Variants in CFAP77 observed in about 807,000 individuals in gnomAD.
CFAP77 encodes cilia and flagella associated protein 77.
In CFAP77, 25 loss-of-function variants were observed where a neutral mutation model predicts 31.1. The ratio of observed to expected loss-of-function variants is 0.80; its 90% CI spans 0.59 to 1.12. CFAP77 has a LOEUF of 1.12. Ranked by LOEUF, CFAP77 falls within the 50% of genes most tolerant of loss-of-function variation. The probability of loss-of-function intolerance (pLI) is 0.00; values close to 1 mark genes in which losing one functional copy is unlikely to be tolerated. For missense variants in CFAP77, 377 were observed against 397.3 expected (o/e 0.95, Z 0.44); for synonymous variants, 151 against 159.9 (o/e 0.94, Z 0.42).
At position 132,492,777 on chromosome 9, in the gene CFAP77, C is replaced by T. The variant is rs77974172; in HGVS notation, c.196-5918C>T. ...ATGGGCAGGTGGGTGTCCAGTTAGC[C>T]TGTCTTGTGGGGCAGATGAACTGGT... On this transcript the variant is annotated intron_variant, in intron 1 of 5. Transcript: ENST00000393216. Among the ~76,000 whole-genome samples, 298 of 152,302 alleles carry T rather than the reference C, an allele frequency of 2.0e-3. 3 individuals are homozygous for T. The highest frequency in any genetic ancestry group is 6.3e-3 in the African/African-American group (261 of 41,562).
At chr9:132,503,293 C>T (rs559717898) in intron 3 of CFAP77, among the ~76,000 whole-genome samples, 1 of 152,360 alleles carries the variant, frequency 6.6e-6, no homozygotes, top group East Asian at 1.9e-4. Flanking sequence ...CCTGTTCTCG[C>T]AGGCTGCCTG....
intron 1 of CFAP77, among the ~76,000 whole-genome samples, chr9:132,479,662 C>A (rs1390669872): frequency 6.6e-6 from 1 of 152,216 alleles, no homozygotes; most frequent in African/African-American, 2.4e-5. Flanking sequence ...TTTGCTCAGG[C>A]CATCCTGGTT....
At chr9:132,466,525 T>C (rs144768869) in intron 1 of CFAP77, among the ~76,000 whole-genome samples, 2 of 152,336 alleles carry the variant, frequency 1.3e-5, no homozygotes, top group East Asian at 1.9e-4. Flanking sequence ...CCCTCTGCAC[T>C]ATGTCGGCAG....
intron 4 of CFAP77, among the ~76,000 whole-genome samples, chr9:132,538,552 G>A (rs1186048330): frequency 1.3e-5 from 2 of 152,104 alleles, no homozygotes; most frequent in Non-Finnish European, 2.9e-5. Flanking sequence ...TTGGGAGGCC[G>A]AGGTGGGTGG....
Position 132,539,570 on chromosome 9 carries a change from G to A in CFAP77, c.630+1864G>A, listed in dbSNP as rs1055600753. On this transcript the variant is annotated intron_variant, in intron 4 of 5. Coordinates refer to ENST00000393216, the MANE Select transcript of CFAP77 (RefSeq NM_001282957.2). The surrounding 1 kb of genome is among the most constrained non-coding windows in gnomAD (Gnocchi z 4.3). ...GAAAAGCCTGGGGCTCAGCAACAGCGCCTATGATGTTCTAGGGCCAACCAG... is the reference window on the plus strand; with the variant it reads ...GAAAAGCCTGGGGCTCAGCAACAGCACCTATGATGTTCTAGGGCCAACCAG... Among the ~76,000 whole-genome samples, 2 of 152,154 alleles carry A rather than the reference G, an allele frequency of 1.3e-5. No homozygotes were observed. The highest frequency in any genetic ancestry group is 2.1e-4 in the South Asian group (1 of 4,824).
intron 1 of CFAP77, among the ~76,000 whole-genome samples, chr9:132,468,846 C>T (rs1012476170): frequency 6.6e-6 from 1 of 151,948 alleles, no homozygotes; most frequent in African/African-American, 2.4e-5. Context: ...TCAAGTTTAA[C>T]TCTCAGCCTA....
chr9:132,553,335 C>A (rs1053597087), intron 5 of CFAP77, among the ~76,000 whole-genome samples: 1 of 152,186 alleles, frequency 6.6e-6, no homozygotes, highest in Non-Finnish European at 1.5e-5. Context: ...AGCATGGTGG[C>A]TCCCACTTGT....
At chr9:132,566,105 G>A (rs1407620637) in intron 5 of CFAP77, among the ~76,000 whole-genome samples, 6 of 152,208 alleles carry the variant, frequency 3.9e-5, no homozygotes, top group East Asian at 1.9e-4. Flanking sequence ...CCACAGGGTC[G>A]TGACCACAGA....
Position 132,517,322 on chromosome 9 carries a change from T to C in CFAP77, c.524+17722T>C, listed in dbSNP as rs866756081. On this transcript the variant is annotated intron_variant, in intron 3 of 5. Transcript: ENST00000393216. This position sits in a 1 kb window ranked among gnomAD's most constrained non-coding sequence, Gnocchi z 4.7. ...GCATATTAGAGATGGATTTTAATTT[T>C]ATTTTAACAAAATAGCTGTCTCCAC... 1.5e-4 allele frequency among the ~76,000 whole-genome samples: 23 copies of C among 152,334 alleles called. No individual in the cohort carries two copies. Among genetic ancestry groups the C allele is most frequent in the African/African-American group, 5.1e-4 (21 of 41,572 alleles).
chr9:132,502,155 C>G (rs1030724780), intron 3 of CFAP77, among the ~76,000 whole-genome samples: 3 of 152,192 alleles, frequency 2.0e-5, no homozygotes, highest in Admixed American at 2.0e-4. Flanking sequence ...CTGCCCGGCC[C>G]TCATTTGAGG....
intron 1 of CFAP77, among the ~76,000 whole-genome samples, chr9:132,468,583 C>T (rs1341236818): frequency 1.3e-5 from 2 of 152,180 alleles, no homozygotes; most frequent in Non-Finnish European, 2.9e-5. Context: ...CCTGACCACT[C>T]AAGAGCAGGC....
At chr9:132,421,911 A>G (rs1488427888) in intron 1 of CFAP77, among the ~76,000 whole-genome samples, 1 of 151,972 alleles carries the variant, frequency 6.6e-6, no homozygotes, top group East Asian at 1.9e-4. Flanking sequence ...CCCATCCTTC[A>G]TTTGCTCATT....
intron 3 of CFAP77, among the ~76,000 whole-genome samples, chr9:132,521,236 C>T (rs1336733387): frequency 3.3e-5 from 5 of 152,190 alleles, no homozygotes; most frequent in African/African-American, 1.2e-4. Flanking sequence ...CAAGAGGCCA[C>T]GTGTCCTCGG....
intron 1 of CFAP77, among the ~76,000 whole-genome samples, chr9:132,484,195 C>T (rs1305558528): frequency 1.3e-5 from 2 of 152,136 alleles, no homozygotes; most frequent in African/African-American, 2.4e-5. Context: ...GCCTCAGCCT[C>T]CCAAAGTGTT....
chr9:132,414,339 G>C (rs767766056), intron 1 of CFAP77, among the ~76,000 whole-genome samples: 2 of 152,170 alleles, frequency 1.3e-5, no homozygotes, highest in African/African-American at 4.8e-5. Flanking sequence ...AGAATTCAGC[G>C]TTGCTGAATT....
intron 3 of CFAP77, among the ~76,000 whole-genome samples, chr9:132,531,489 G>A (rs545275323): frequency 3.7e-4 from 56 of 152,208 alleles, no homozygotes; most frequent in Admixed American, 3.7e-3. Flanking sequence ...TGTGCTGAGC[G>A]AGAGAAAGAG....
At position 132,490,856 on chromosome 9, in the gene CFAP77, G is replaced by A. The variant is rs763189545; in HGVS notation, c.196-7839G>A. 6.6e-6 allele frequency among the ~76,000 whole-genome samples: 1 copy of A among 152,142 alleles called. No individual in the cohort carries two copies. The highest frequency in any genetic ancestry group is 1.5e-5 in the Non-Finnish European group (1 of 68,030). On this transcript the variant is annotated intron_variant, in intron 1 of 5. Transcript: ENST00000393216. This position sits in a 1 kb window ranked among gnomAD's most constrained non-coding sequence, Gnocchi z 4.6. ...TTGATGAGAAAAGAAATCAATGTCC[G>A]GCCGGGGCCACTGTCTGCATGGCGT...
intron 1 of CFAP77, among the ~76,000 whole-genome samples, chr9:132,440,982 T>G (rs567810491): frequency 6.6e-6 from 1 of 152,300 alleles, no homozygotes; most frequent in African/African-American, 2.4e-5. Flanking sequence ...TGAGTGACAG[T>G]CTAGCCTCCT....
At chr9:132,569,090 G>T (rs1376209125) in intron 5 of CFAP77, among the ~76,000 whole-genome samples, 3 of 152,140 alleles carry the variant, frequency 2.0e-5, no homozygotes, top group Non-Finnish European at 4.4e-5. Context: ...TACAGGTTTT[G>T]CAGGTTAGGT....
Sources: allele counts gnomAD v4.1 joint callset (sites outside exome capture counted in the v4.1 genomes callset), GRCh38; gene constraint gnomAD v4.1.1; non-coding constraint Gnocchi (gnomAD v3.1); transcripts MANE v1.5; gene names NCBI Gene and HGNC (gene_info 2026-07-23, HGNC 2026-07-21).